NFIB: variants seen among roughly 807,000 people sequenced by gnomAD.
NFIB encodes nuclear factor 1 B-type.
NFIB carries 11 observed loss-of-function variants against 61.5 expected under a neutral mutation model. The observed-to-expected ratio is 0.18, with a 90% CI of 0.11 to 0.30. NFIB has a LOEUF of 0.30. Ranked by LOEUF, NFIB falls within the 10% of genes least tolerant of loss-of-function variation. NFIB has a pLI of 1.00. For missense variants in NFIB, 471 were observed against 608.9 expected (o/e 0.77, Z 2.38); for synonymous variants, 260 against 216.5 (o/e 1.20, Z -1.76).
chr9:14,304,020 T>C (rs923784968), intron 2 of NFIB, among the ~76,000 whole-genome samples: 2 of 152,232 alleles, frequency 1.3e-5, no homozygotes, highest in East Asian at 1.9e-4. Flanking sequence ...ACTACATGCA[T>C]AGTAGCCGAA....
At chr9:14,240,161 A>C (rs961675202) in intron 2 of NFIB, among the ~76,000 whole-genome samples, 1 of 152,084 alleles carries the variant, frequency 6.6e-6, no homozygotes, top group African/African-American at 2.4e-5. Context: ...TAGCCTATGG[A>C]AACATTTTAA....
chr9:14,264,530 T>C (rs2057038317), intron 2 of NFIB, among the ~76,000 whole-genome samples: 1 of 152,210 alleles, frequency 6.6e-6, no homozygotes, highest in Admixed American at 6.5e-5. Context: ...GTGGTTTCTT[T>C]AGGAAAGTAA....
the NFIB span, among the ~76,000 whole-genome samples, chr9:14,451,072 G>C: frequency 6.6e-6 from 1 of 152,330 alleles, no homozygotes; most frequent in Admixed American, 6.5e-5. Context: ...TTACCTCGGT[G>C]AAGCCTGAAT....
chr9:14,510,574 G>C, the NFIB span, among the ~76,000 whole-genome samples: 1 of 152,146 alleles, frequency 6.6e-6, no homozygotes, highest in South Asian at 2.1e-4. Context: ...AATGCATATA[G>C]ATTTCATTTC....
intron 2 of NFIB, among the ~76,000 whole-genome samples, chr9:14,253,884 T>C (rs2055925713): frequency 6.6e-6 from 1 of 152,166 alleles, no homozygotes; most frequent in Non-Finnish European, 1.5e-5. Flanking sequence ...GGGTCTTGTA[T>C]TCCAGCTACA....
chr9:14,507,072 A>T, the NFIB span, among the ~76,000 whole-genome samples: 31 of 152,360 alleles, frequency 2.0e-4, no homozygotes, highest in Middle Eastern at 3.4e-3. Context: ...AAAATCATTT[A>T]AAAAAGTTTT....
chr9:14,337,263 G>C (rs1277711378), intron 1 of NFIB, among the ~76,000 whole-genome samples: 1 of 152,150 alleles, frequency 6.6e-6, no homozygotes, highest in Admixed American at 6.5e-5. Context: ...CTCAACCACA[G>C]AATGGATAAA....
At chr9:14,383,041 T>C (rs1231663596) in intron 1 of NFIB, among the ~76,000 whole-genome samples, 2 of 151,832 alleles carry the variant, frequency 1.3e-5, no homozygotes, top group African/African-American at 4.8e-5. Flanking sequence ...AAAACCAGTG[T>C]GGAACTCTTA....
intron 7 of NFIB, among the ~76,000 whole-genome samples, chr9:14,123,272 GA>G (rs919334795): frequency 5.4e-5 from 8 of 147,930 alleles, no homozygotes; most frequent in Non-Finnish European, 1.0e-4. Context: ...AAAAGAAAAA[GA>G]AAAAAAAATA....
At chr9:14,362,821 A>T (rs2132948299) in intron 1 of NFIB, 1 of 152,244 alleles carries the variant, frequency 6.6e-6, no homozygotes, top group Non-Finnish European at 1.5e-5. Flanking sequence ...GCTTGGGCCC[A>T]GGTCGTTGAG....
intron 2 of NFIB, among the ~76,000 whole-genome samples, chr9:14,192,694 C>T (rs764657569): frequency 6.6e-6 from 1 of 152,136 alleles, no homozygotes; most frequent in East Asian, 1.9e-4. Context: ...GAACAAGTTC[C>T]TCCCTCTGTG....
chr9:14,482,065 C>G, the NFIB span, among the ~76,000 whole-genome samples: 1 of 114,224 alleles, frequency 8.8e-6, no homozygotes, highest in African/African-American at 3.3e-5. Flanking sequence ...AGACGATGCC[C>G]CACCCCCCCA....
Position 14,113,054 on chromosome 9 carries a change from G to A in NFIB, c.1412C>T (p.Ala471Val). 6.5e-7 allele frequency: 1 copy of A among 1,550,222 alleles called. No individual in the cohort carries two copies. The highest frequency in any genetic ancestry group is 8.7e-7 in the Non-Finnish European group (1 of 1,146,824). ...TGGGCTTAGTCCCACATATCGATTG[G>A]CTTGAGATGTGCCTGAGGCTGTGTA... is the stretch of plus-strand genomic sequence containing the variant. ...EAYTASGTSQ[A>V]NRYVGLSPRD... is the part of the protein sequence containing the mutation. The change falls in exon 10 of 11, where the codon GCC (alanine) becomes GTC (valine). Residue 471 changes from alanine (A) to valine (V), a missense_variant. Coordinates refer to ENST00000380953, the MANE Select transcript of NFIB (RefSeq NM_001190737.2).
chr9:14,173,794 T>G (rs1187500602), intron 3 of NFIB, among the ~76,000 whole-genome samples: 1 of 152,194 alleles, frequency 6.6e-6, no homozygotes, highest in Non-Finnish European at 1.5e-5. Flanking sequence ...TGGGGAGACA[T>G]GGAAAAATCT....
At chr9:14,279,783 C>T (rs1588097502) in intron 2 of NFIB, among the ~76,000 whole-genome samples, 1 of 152,144 alleles carries the variant, frequency 6.6e-6, no homozygotes, top group East Asian at 1.9e-4. Context: ...ATAGAAGGTA[C>T]ACTTACCATA....
At chr9:14,305,601 T>A (rs532601823) in intron 2 of NFIB, among the ~76,000 whole-genome samples, 1 of 152,356 alleles carries the variant, frequency 6.6e-6, no homozygotes, top group African/African-American at 2.4e-5. Context: ...GAAAAGGTAA[T>A]ATTTCTAAAA....
At chr9:14,416,806 C>A in the NFIB span, among the ~76,000 whole-genome samples, 5 of 151,924 alleles carry the variant, frequency 3.3e-5, no homozygotes, top group Non-Finnish European at 5.9e-5. Flanking sequence ...ATTCACTCAC[C>A]CCTCACTCAC....
Position 14,082,721 on chromosome 9 carries a change from A to G in NFIB, c.*5588T>C, listed in dbSNP as rs1364855655. 5.2e-6 allele frequency: 1 copy of G among 193,076 alleles called. No individual in the cohort carries two copies. Among genetic ancestry groups the G allele is most frequent in the Non-Finnish European group, 1.1e-5 (1 of 94,686 alleles). 12.0% of individuals were successfully genotyped at this position (193,076 alleles called of 1,614,324 possible). ...GTTTTGCATCAACTTTTATCAGTCC[A>G]TGCAACTTCAATGCCCTCGATGAAG... On this transcript the variant is annotated 3_prime_UTR_variant, in exon 11 of 11. Coordinates refer to ENST00000380953, the MANE Select transcript of NFIB (RefSeq NM_001190737.2).
the NFIB span, among the ~76,000 whole-genome samples, chr9:14,435,340 CA>C: frequency 6.6e-6 from 1 of 152,200 alleles, no homozygotes; most frequent in Non-Finnish European, 1.5e-5. Context: ...AACTGAACCA[CA>C]GGAGAAATAA....
Sources: allele counts gnomAD v4.1 joint callset (sites outside exome capture counted in the v4.1 genomes callset), GRCh38; gene constraint gnomAD v4.1.1; transcripts MANE v1.5; gene names NCBI Gene and HGNC (gene_info 2026-07-23, HGNC 2026-07-21).